The following RUNX1T1 variants were observed in gnomAD, a reference collection of about 807,000 sequenced individuals.
RUNX1T1 encodes the protein RUNX1 partner transcriptional co-repressor 1.
Under a neutral mutation model 62.8 loss-of-function variants are expected in RUNX1T1, and 4 were observed. The observed-to-expected ratio is 0.06, with a 90% CI of 0.03 to 0.15. The LOEUF (loss-of-function observed/expected upper bound fraction) is 0.15. Ranked by LOEUF, RUNX1T1 falls within the 10% of genes least tolerant of loss-of-function variation. RUNX1T1 has a pLI of 1.00. For synonymous variants in RUNX1T1, 291 were observed against 286.0 expected (o/e 1.02, Z -0.18); for missense variants, 508 against 754.3 (o/e 0.67, Z 3.82).
chr8:92,058,043 T>C (rs904454670), intron 1 of RUNX1T1, among the ~76,000 whole-genome samples: 4 of 152,030 alleles, frequency 2.6e-5, no homozygotes, highest in African/African-American at 9.7e-5. Context: ...GTGTAGCCCA[T>C]TGTGCATCCT....
At chr8:92,095,467 T>TTG in intron 1 of RUNX1T1, 4 of 1,534,246 alleles carry the variant, frequency 2.6e-6, no homozygotes, top group African/African-American at 1.4e-5. Context: ...GGATGGCACA[T>TTG]TGTGTGTGAG....
intron 1 of RUNX1T1, among the ~76,000 whole-genome samples, chr8:92,051,604 TCTCTCTCTCTCTCTCTCTCA>T (rs550158050): frequency 5.5e-5 from 8 of 144,396 alleles, no homozygotes; most frequent in Non-Finnish European, 1.1e-4. Context: ...ACACACACAC[TCTCTCTCTCTCTCTCTCTCA>T]CTCTCTCTCT....
intron 1 of RUNX1T1, among the ~76,000 whole-genome samples, chr8:92,059,885 G>C (rs1831629759): frequency 6.6e-6 from 1 of 152,096 alleles, no homozygotes; most frequent in African/African-American, 2.4e-5. Context: ...CAGGACCATT[G>C]AGAAAGGGTG....
At chr8:92,006,313 G>C (rs1820765589) in intron 4 of RUNX1T1, 1 of 152,140 alleles carries the variant, frequency 6.6e-6, no homozygotes, top group Admixed American at 6.5e-5. Flanking sequence ...GAAAGGAGAA[G>C]ATACTGGGAA....
chr8:92,098,809 C>T (rs1305844950), intron 1 of RUNX1T1, among the ~76,000 whole-genome samples: 1 of 152,190 alleles, frequency 6.6e-6, no homozygotes, highest in African/African-American at 2.4e-5. Flanking sequence ...TTCTCTTCTA[C>T]AGATGGCTAC....
intron 1 of RUNX1T1, among the ~76,000 whole-genome samples, chr8:92,052,423 T>G (rs2130407325): frequency 6.6e-6 from 1 of 152,262 alleles, no homozygotes; most frequent in South Asian, 2.1e-4. Context: ...ATTAAACAAA[T>G]ACATAATTTG....
At chr8:92,007,251 A>C (rs979669512) in intron 4 of RUNX1T1, among the ~76,000 whole-genome samples, 5 of 152,132 alleles carry the variant, frequency 3.3e-5, no homozygotes, top group African/African-American at 1.2e-4. Context: ...GTATCACTTG[A>C]GGTCAGGAGT....
intron 8 of RUNX1T1, 56 bp from the exon 10 acceptor site, chr8:91,976,029 T>A (rs1020540233): frequency 1.6e-6 from 2 of 1,243,626 alleles, no homozygotes; most frequent in African/African-American, 1.5e-5. Context: ...TAAGCACACT[T>A]GTGTCATCGC....
At chr8:92,055,419 G>A (rs971783481) in intron 1 of RUNX1T1, among the ~76,000 whole-genome samples, 5 of 152,060 alleles carry the variant, frequency 3.3e-5, no homozygotes, top group African/African-American at 1.2e-4. Context: ...ACCAACTTTG[G>A]GAGGCACTTC....
downstream of RUNX1T1, chr8:91,958,837 T>C (rs1435944097): frequency 1.1e-5 from 2 of 190,194 alleles, no homozygotes; most frequent in Non-Finnish European, 2.2e-5. Flanking sequence ...TAGCATTCCG[T>C]GAAGCATGCT....
At chr8:92,063,945 T>C (rs1163978068), upstream of RUNX1T1, among the ~76,000 whole-genome samples, 1 of 152,176 alleles carries the variant, frequency 6.6e-6, no homozygotes, top group Non-Finnish European at 1.5e-5. Flanking sequence ...GACAGGAGCA[T>C]TCCCGTTAAC....
At position 91,991,582 on chromosome 8, in the gene RUNX1T1, G is replaced by A. The variant is rs1817680234; in HGVS notation, c.910+57C>T. Reference sequence around the variant, plus strand: ...GCCTCAAGTTAAGTTCAGAAATAATGGTGCAAGTCTTCAAGCACCCAATCC... The same window carrying A: ...GCCTCAAGTTAAGTTCAGAAATAATAGTGCAAGTCTTCAAGCACCCAATCC... On this transcript the variant is annotated intron_variant, in intron 6 of 10. Transcript: ENST00000396218. 4 of 1,531,916 alleles carry A rather than the reference G, an allele frequency of 2.6e-6. No homozygotes were observed. The East Asian group carries it at 9.1e-5, about 35-fold the overall frequency. The allele number at this position is 1,531,916 out of a possible 1,614,324, so 94.9% of individuals were successfully genotyped here.
intron 4 of RUNX1T1, chr8:92,010,016 G>A (rs944857915): frequency 6.6e-6 from 1 of 152,116 alleles, no homozygotes; most frequent in Non-Finnish European, 1.5e-5. Context: ...ACCTTTCTAG[G>A]CTTCTGGATA....
chr8:92,060,522 A>AATATATATATATATATATATATAT (rs61066655), intron 1 of RUNX1T1, among the ~76,000 whole-genome samples: 10 of 76,316 alleles, frequency 1.3e-4, no homozygotes, highest in Non-Finnish European at 1.8e-4. Flanking sequence ...TCAACTACCA[A>AATATATATATATATATATATATAT]ATATATATAT....
intron 8 of RUNX1T1, among the ~76,000 whole-genome samples, chr8:91,981,588 T>C (rs2130775253): frequency 6.6e-6 from 1 of 151,802 alleles, no homozygotes; most frequent in Middle Eastern, 3.4e-3. Context: ...GCTAATTTTT[T>C]TTATTTTTAG....
At chr8:91,969,797 G>A (rs1405377145) in intron 10 of RUNX1T1, among the ~76,000 whole-genome samples, 1 of 152,140 alleles carries the variant, frequency 6.6e-6, no homozygotes, top group Admixed American at 6.5e-5. Context: ...TATTGTAGTA[G>A]ACCATTGATT....
At chr8:92,025,473 C>T (rs1249599355) in intron 1 of RUNX1T1, among the ~76,000 whole-genome samples, 2 of 152,194 alleles carry the variant, frequency 1.3e-5, no homozygotes, top group African/African-American at 4.8e-5. Context: ...CATCCCTTTC[C>T]TTGAATACTC....
chr8:92,060,289 T>C (rs557834350), intron 1 of RUNX1T1, among the ~76,000 whole-genome samples: 1 of 151,980 alleles, frequency 6.6e-6, no homozygotes, highest in East Asian at 1.9e-4. Flanking sequence ...TTTGAAACAA[T>C]ATGCTAGCAA....
chr8:91,961,602 G>A (rs779584693), intron 10 of RUNX1T1, among the ~76,000 whole-genome samples: 6 of 152,150 alleles, frequency 3.9e-5, no homozygotes, highest in Non-Finnish European at 8.8e-5. Flanking sequence ...CACCTTTTGG[G>A]GACAGGCCCT....
Sources: gnomAD v4.1 joint callset for allele counts (sites outside exome capture counted in the v4.1 genomes callset) on GRCh38, gnomAD v4.1.1 for gene constraint, MANE v1.5 for transcripts, NCBI Gene and HGNC (gene_info 2026-07-23, HGNC 2026-07-21) for gene names.